PPFIA2: variants seen among roughly 807,000 people sequenced by gnomAD.
The protein encoded by PPFIA2 is PPFI scaffold protein A2.
A neutral mutation model predicts 175.5 loss-of-function variants in PPFIA2; 46 were observed. The observed-to-expected ratio is 0.26, with a 90% CI of 0.21 to 0.34. The LOEUF (loss-of-function observed/expected upper bound fraction) is 0.34, where lower values mean the gene tolerates loss of function less well. Among genes scored for constraint, PPFIA2 ranks in the 10% least tolerant of loss-of-function variants. The pLI is 1.00. For synonymous variants in PPFIA2, 568 were observed against 511.4 expected, an observed-to-expected ratio of 1.11 and a Z score of -1.49; for missense variants, 1,179 against 1,506.1, an observed-to-expected ratio of 0.78 and a Z score of 3.60.
chr12:81,595,193 G>C (rs2059112127), intron 4 of PPFIA2, among the ~76,000 whole-genome samples: 1 of 151,086 alleles, frequency 6.6e-6, no homozygotes, highest in Non-Finnish European at 1.5e-5. Flanking sequence ...ATCATGTTGA[G>C]ACATCATTTT....
At chr12:81,505,331 A>C (rs2061037991) in intron 4 of PPFIA2, among the ~76,000 whole-genome samples, 1 of 152,158 alleles carries the variant, frequency 6.6e-6, no homozygotes, top group African/African-American at 2.4e-5. Flanking sequence ...AGAATGCTGA[A>C]AATAAGAGGT....
intron 4 of PPFIA2, among the ~76,000 whole-genome samples, chr12:81,458,382 A>T (rs572761866): frequency 6.6e-6 from 1 of 152,010 alleles, no homozygotes; most frequent in South Asian, 2.1e-4. Context: ...AAATATGCCT[A>T]AGATTTGATA....
rs1353695908 is a variant in PPFIA2, at chr12:81,374,838, G to C, written c.1132-70C>G. 6 of 1,407,750 alleles carry C rather than the reference G, an allele frequency of 4.3e-6. No homozygotes were observed. In the Admixed American group the frequency reaches 1.1e-4, roughly 25 times the overall value. The allele number at this position is 1,407,750 out of a possible 1,614,324, so 87.2% of individuals were successfully genotyped here. On this transcript the variant is annotated intron_variant, in intron 10 of 32. Transcript: ENST00000549396. ...GGATAGCAAACACCAGTCGCCAGGG[G>C]CTTTGCACTTCAGCCATGATTCTAG...
At chr12:81,464,086 A>G (rs928863646) in intron 4 of PPFIA2, among the ~76,000 whole-genome samples, 1 of 151,884 alleles carries the variant, frequency 6.6e-6, no homozygotes, top group Non-Finnish European at 1.5e-5. Flanking sequence ...ACAGGGTCTC[A>G]CCTGTCTTTA....
intron 5 of PPFIA2, among the ~76,000 whole-genome samples, chr12:81,453,055 T>C (rs1022994010): frequency 6.6e-6 from 1 of 151,734 alleles, no homozygotes; most frequent in Non-Finnish European, 1.5e-5. Flanking sequence ...GCAGGTTAGT[T>C]ACATATGTAT....
intron 8 of PPFIA2, 150 bp downstream of exon 8, chr12:81,405,637 T>C (rs917620750): frequency 1.9e-6 from 1 of 522,130 alleles, no homozygotes; most frequent in African/African-American, 2.0e-5. Flanking sequence ...TAAGAACAAA[T>C]ATTAGAAAGG....
At chr12:81,688,065 C>T (rs1021144452) in intron 3 of PPFIA2, among the ~76,000 whole-genome samples, 8 of 151,972 alleles carry the variant, frequency 5.3e-5, no homozygotes, top group Non-Finnish European at 1.2e-4. Flanking sequence ...TATTTCCCCA[C>T]ATAGTCTTAC....
intron 4 of PPFIA2, among the ~76,000 whole-genome samples, chr12:81,473,952 GA>G (rs2057129931): frequency 1.3e-5 from 2 of 152,184 alleles, no homozygotes; most frequent in South Asian, 2.1e-4. Flanking sequence ...TGGGAAAATG[GA>G]AAAACGGCTA....
intron 4 of PPFIA2, among the ~76,000 whole-genome samples, chr12:81,474,297 C>T (rs185285176): frequency 1.4e-4 from 21 of 152,322 alleles, no homozygotes; most frequent in East Asian, 3.9e-4. Context: ...GCTGGAATTA[C>T]AGGCATCTAC....
chr12:81,640,391 C>T (rs2064801600), intron 4 of PPFIA2, among the ~76,000 whole-genome samples: 1 of 152,128 alleles, frequency 6.6e-6, no homozygotes, highest in African/African-American at 2.4e-5. Context: ...CAAACAACAA[C>T]AAAATATCGT....
At chr12:81,662,318 A>G (rs2069063070) in intron 4 of PPFIA2, among the ~76,000 whole-genome samples, 1 of 152,194 alleles carries the variant, frequency 6.6e-6, no homozygotes, top group Non-Finnish European at 1.5e-5. Context: ...ACTAATAAAG[A>G]AGAAAAGAGA....
chr12:81,292,576 C>G (rs1594073212), intron 24 of PPFIA2: 2 of 152,050 alleles, frequency 1.3e-5, no homozygotes, highest in Non-Finnish European at 2.9e-5. Context: ...TTTCTTTTCT[C>G]TAGCTTACTT....
chr12:81,296,121 C>T (rs1464944469), intron 23 of PPFIA2, among the ~76,000 whole-genome samples: 2 of 152,080 alleles, frequency 1.3e-5, no homozygotes, highest in Admixed American at 6.6e-5. Flanking sequence ...GCCTGGGCAA[C>T]ATGGTGAAAC....
intron 3 of PPFIA2, among the ~76,000 whole-genome samples, chr12:81,717,186 C>T (rs115233360): frequency 0.015 from 2,297 of 151,796 alleles, 30 homozygotes; most frequent in South Asian, 0.043. Context: ...CAGTCATACA[C>T]ATTATATAAA....
intron 3 of PPFIA2, among the ~76,000 whole-genome samples, chr12:81,730,247 G>T (rs1243453632): frequency 1.3e-5 from 2 of 151,598 alleles, no homozygotes; most frequent in African/African-American, 4.8e-5. Flanking sequence ...TAAATTAAAT[G>T]AATATTAAGA....
chr12:81,299,244 A>G, intron 23 of PPFIA2, 57 bp downstream of exon 23: 1 of 1,497,114 alleles, frequency 6.7e-7, no homozygotes, highest in Non-Finnish European at 9.0e-7. Context: ...CCTGTCTCAA[A>G]AAAATTATCA....
chr12:81,558,312 T>C (rs1224871137), intron 4 of PPFIA2, among the ~76,000 whole-genome samples: 8 of 152,176 alleles, frequency 5.3e-5, no homozygotes, highest in Admixed American at 5.2e-4. Context: ...GTTGTGGAGC[T>C]TGGACGTAAG....
At chr12:81,265,291 CAAAAAAA>C (rs571821814) in intron 30 of PPFIA2, among the ~76,000 whole-genome samples, 10 of 69,986 alleles carry the variant, frequency 1.4e-4, no homozygotes, top group African/African-American at 3.8e-4. Context: ...GAAACTCTGT[CAAAAAAA>C]AAAAAAAAAA....
At chr12:81,436,980 G>A (rs1304810488) in intron 7 of PPFIA2, among the ~76,000 whole-genome samples, 1 of 152,106 alleles carries the variant, frequency 6.6e-6, no homozygotes, top group Admixed American at 6.6e-5. Flanking sequence ...ATGATTTTAA[G>A]CAAAACAAAT....
Sources: allele counts gnomAD v4.1 joint callset (sites outside exome capture counted in the v4.1 genomes callset), GRCh38; gene constraint gnomAD v4.1.1; transcripts MANE v1.5; gene names NCBI Gene and HGNC (gene_info 2026-07-23, HGNC 2026-07-21).